PRKCQ: variants seen among roughly 807,000 people sequenced by gnomAD.
PRKCQ encodes protein kinase C theta, also known as protein kinase C theta type.
In PRKCQ, 41 loss-of-function variants were observed where a neutral mutation model predicts 91.2. The ratio of observed to expected loss-of-function variants is 0.45; its 90% CI spans 0.35 to 0.58. The LOEUF (loss-of-function observed/expected upper bound fraction) is 0.58. PRKCQ is among the 20% of genes least tolerant of loss of function. The pLI is 0.00. For missense variants in PRKCQ, 673 were observed against 896.5 expected, an observed-to-expected ratio of 0.75 and a Z score of 3.18; for synonymous variants, 307 against 316.9, an observed-to-expected ratio of 0.97 and a Z score of 0.33.
At chr10:6,460,408 G>A (rs1008519038) in intron 14 of PRKCQ, among the ~76,000 whole-genome samples, 1 of 151,878 alleles carries the variant, frequency 6.6e-6, no homozygotes, top group East Asian at 1.9e-4. Flanking sequence ...TAGGTTTCAC[G>A]GGGTCCCTTC....
At chr10:6,439,397 G>C (rs1833857177) in intron 16 of PRKCQ, among the ~76,000 whole-genome samples, 1 of 152,174 alleles carries the variant, frequency 6.6e-6, no homozygotes, top group Non-Finnish European at 1.5e-5. Flanking sequence ...GTTGGGGAGA[G>C]CTGGTCTGTA....
At chr10:6,505,504 CCTT>C (rs1234069652) in intron 4 of PRKCQ, among the ~76,000 whole-genome samples, 2 of 115,682 alleles carry the variant, frequency 1.7e-5, no homozygotes, top group Non-Finnish European at 3.9e-5. Context: ...CCTCCCTCCT[CCTT>C]CCTTCCTTCC....
chr10:6,410,976 C>CAAAAAA, the PRKCQ span, among the ~76,000 whole-genome samples: 1 of 87,550 alleles, frequency 1.1e-5, no homozygotes, highest in Non-Finnish European at 2.1e-5. Context: ...GATTCCGTTT[C>CAAAAAA]AAAAAAAAAA....
chr10:6,538,851 C>T (rs1839677613), intron 1 of PRKCQ, among the ~76,000 whole-genome samples: 1 of 152,130 alleles, frequency 6.6e-6, no homozygotes. Flanking sequence ...GCAACCTCCA[C>T]CTCCCAGGTT....
intron 1 of PRKCQ, among the ~76,000 whole-genome samples, chr10:6,578,351 G>C (rs910438489): frequency 6.6e-6 from 1 of 152,202 alleles, no homozygotes; most frequent in Non-Finnish European, 1.5e-5. Flanking sequence ...CAAGACAGTA[G>C]CGGAAATGAA....
chr10:6,525,156 T>C (rs999762151), intron 1 of PRKCQ, among the ~76,000 whole-genome samples: 1 of 152,090 alleles, frequency 6.6e-6, no homozygotes, highest in South Asian at 2.1e-4. Flanking sequence ...TTCTTTTTTT[T>C]TTTTTTTGAG....
At chr10:6,495,472 G>A (rs193224672) in intron 7 of PRKCQ, among the ~76,000 whole-genome samples, 1 of 152,342 alleles carries the variant, frequency 6.6e-6, no homozygotes, top group Non-Finnish European at 1.5e-5. Context: ...CTCTTCAGCT[G>A]TCAGTTTCAA....
chr10:6,452,335 G>T (rs1395819420), intron 15 of PRKCQ, among the ~76,000 whole-genome samples: 1 of 152,016 alleles, frequency 6.6e-6, no homozygotes, highest in African/African-American at 2.4e-5. Flanking sequence ...GCTTCAAAGA[G>T]AATAAAATAC....
chr10:6,472,678 A>G (rs1441333590), intron 12 of PRKCQ, among the ~76,000 whole-genome samples: 1 of 152,062 alleles, frequency 6.6e-6, no homozygotes, highest in Non-Finnish European at 1.5e-5. Flanking sequence ...AGAGAATTAA[A>G]CAATTGTCAG....
At chr10:6,529,434 T>C (rs1033207904) in intron 1 of PRKCQ, among the ~76,000 whole-genome samples, 2 of 152,166 alleles carry the variant, frequency 1.3e-5, no homozygotes, top group African/African-American at 4.8e-5. Flanking sequence ...TTTCTTCCTG[T>C]CATGTAGGTG....
At chr10:6,427,042 C>T (rs1029779189), downstream of PRKCQ, 7 of 152,236 alleles carry the variant, frequency 4.6e-5, no homozygotes, top group Admixed American at 2.0e-4. Flanking sequence ...AGCCAATCCC[C>T]CAACTGTAAA....
the PRKCQ span, among the ~76,000 whole-genome samples, chr10:6,413,775 T>C: frequency 8.2e-6 from 1 of 121,486 alleles, no homozygotes; most frequent in Non-Finnish European, 1.7e-5. Flanking sequence ...ATGCCACTTG[T>C]GCACACACAC....
chr10:6,467,635 A>T (rs1003866689), intron 12 of PRKCQ, among the ~76,000 whole-genome samples: 14 of 152,162 alleles, frequency 9.2e-5, no homozygotes, highest in Admixed American at 6.5e-5. Context: ...GACTGTCAAC[A>T]ACTCCTGGCA....
chr10:6,496,706 A>G (rs1212895488), intron 7 of PRKCQ, among the ~76,000 whole-genome samples: 1 of 150,340 alleles, frequency 6.7e-6, no homozygotes, highest in Non-Finnish European at 1.5e-5. Context: ...ATGGAGTCTC[A>G]CTCTGTTGCC....
chr10:6,542,154 A>T (rs1195730686), intron 1 of PRKCQ, among the ~76,000 whole-genome samples: 1 of 152,240 alleles, frequency 6.6e-6, no homozygotes, highest in Non-Finnish European at 1.5e-5. Context: ...TGAAGGACAG[A>T]GTAAACATGG....
At chr10:6,467,536 C>T (rs1164898185) in intron 12 of PRKCQ, among the ~76,000 whole-genome samples, 1 of 151,712 alleles carries the variant, frequency 6.6e-6, no homozygotes, top group Non-Finnish European at 1.5e-5. Flanking sequence ...AATACATTAA[C>T]CGAGGCAAAT....
chr10:6,402,920 A>G, the PRKCQ span, among the ~76,000 whole-genome samples: 4 of 152,220 alleles, frequency 2.6e-5, no homozygotes, highest in Non-Finnish European at 4.4e-5. Context: ...AAAACCAAAT[A>G]GAAACAAAAA....
At chr10:6,522,488 T>C (rs1425314089) in intron 1 of PRKCQ, among the ~76,000 whole-genome samples, 1 of 152,216 alleles carries the variant, frequency 6.6e-6, no homozygotes, top group Non-Finnish European at 1.5e-5. Flanking sequence ...ACTCCCAGAA[T>C]GCGTTTATAG....
At chr10:6,487,337 TA>T (rs1836983646) in intron 8 of PRKCQ, among the ~76,000 whole-genome samples, 1 of 152,122 alleles carries the variant, frequency 6.6e-6, no homozygotes, top group African/African-American at 2.4e-5. Flanking sequence ...ATAAGTCACA[TA>T]AGATGTTAAA....
Sources: gnomAD v4.1 joint callset for allele counts (sites outside exome capture counted in the v4.1 genomes callset) on GRCh38, gnomAD v4.1.1 for gene constraint, MANE v1.5 for transcripts, NCBI Gene and HGNC (gene_info 2026-07-23, HGNC 2026-07-21) for gene names.